The following ZNF554 variants were observed in gnomAD, a reference collection of about 807,000 sequenced individuals.
ZNF554 encodes zinc finger protein 554.
In ZNF554, 15 loss-of-function variants were observed where a neutral mutation model predicts 21.2. That is an observed-to-expected ratio of 0.71 (90% CI 0.47 to 1.09). The LOEUF (loss-of-function observed/expected upper bound fraction) is 1.09. Among genes scored for constraint, ZNF554 ranks in the 50% least tolerant of loss-of-function variants. The probability of loss-of-function intolerance (pLI) is 0.00; values close to 1 mark genes in which losing one functional copy is unlikely to be tolerated. For missense variants in ZNF554, 691 were observed against 662.7 expected, an observed-to-expected ratio of 1.04 and a Z score of -0.47; for synonymous variants, 258 against 251.4, an observed-to-expected ratio of 1.03 and a Z score of -0.25.
At chr19:2,827,567 A>G in intron 2 of ZNF554, 50 bp from the exon 3 acceptor site, 1 of 1,579,312 alleles carries the variant, frequency 6.3e-7, no homozygotes, top group Non-Finnish European at 8.6e-7. Context: ...CCTCCCATGA[A>G]CGTGGGTGGC....
rs976125746 is a variant in ZNF554, at chr19:2,819,872, C to T, written c.-200C>T. On this transcript the variant is annotated 5_prime_UTR_variant, in exon 1 of 5. Coordinates refer to ENST00000317243, the MANE Select transcript of ZNF554 (RefSeq NM_001102651.2). ...AGGTTCGGGGTGCGCAGGCGCAGTG[C>T]CGAGTTTACCTCTGCGCGCGTCGGG... 2.0e-4 allele frequency: 65 copies of T among 321,544 alleles called. No homozygotes were observed. The highest frequency in any genetic ancestry group is 3.1e-4 in the Non-Finnish European group (55 of 179,952). The allele number at this position is 321,544 out of a possible 1,614,324, so 19.9% of individuals were successfully genotyped here. A position where few individuals can be genotyped will look rare whatever the true frequency, so the allele number is the denominator to read the frequency against.
At position 2,821,162 on chromosome 19, in the gene ZNF554, T is replaced by C. The variant is rs1359773406; in HGVS notation, c.53+1038T>C. 6.6e-6 allele frequency among the ~76,000 whole-genome samples: 1 copy of C among 150,798 alleles called. No individual in the cohort carries two copies. The highest frequency in any genetic ancestry group is 1.5e-5 in the Non-Finnish European group (1 of 67,854). ...TGGAGTGCAGTTGCACGATCTCGGC[T>C]CACTGCATCCACCTCGTGGGTTCAA... is the stretch of plus-strand genomic sequence containing the variant. On this transcript the variant is annotated intron_variant, in intron 1 of 4. Coordinates refer to ENST00000317243, the MANE Select transcript of ZNF554 (RefSeq NM_001102651.2). The surrounding 1 kb of genome is among the most constrained non-coding windows in gnomAD (Gnocchi z 8.2).
rs184287792 is a variant in ZNF554, at chr19:2,836,281, C to T, written c.*1429C>T. Among the ~76,000 whole-genome samples, 1,164 of 147,750 alleles carry T rather than the reference C, an allele frequency of 7.9e-3. 14 individuals are homozygous for T. Among genetic ancestry groups the T allele is most frequent in the African/African-American group, 0.027 (1,090 of 40,002 alleles). Reference sequence around the variant, plus strand: ...AGCCACTGTGCTGGGATTACGGGCGCGAGCCACTGTGCTGGGATTACAGGT... The same window carrying T: ...AGCCACTGTGCTGGGATTACGGGCGTGAGCCACTGTGCTGGGATTACAGGT... On this transcript the variant is annotated 3_prime_UTR_variant, in exon 5 of 5. Coordinates refer to ENST00000317243, the MANE Select transcript of ZNF554 (RefSeq NM_001102651.2).
chr19:2,825,000 G>GTTTTTTTTTTTTTTTTTTTTTTTTT, intron 2 of ZNF554, among the ~76,000 whole-genome samples: 1 of 114,914 alleles, frequency 8.7e-6, no homozygotes, highest in Non-Finnish European at 1.8e-5. Context: ...CGTGATTGCA[G>GTTTTTTTTTTTTTTTTTTTTTTTTT]TTGTTTTTTT....
chr19:2,836,564 G>C lies in ZNF554; in HGVS notation c.*1712G>C, dbSNP rs141052938. On this transcript the variant is annotated 3_prime_UTR_variant, in exon 5 of 5. Transcript: ENST00000317243. Reference sequence around the variant, plus strand: ...TTGATCCATTCACAAAAGGACAAAGGCTGGACAGAGACGTGAAGAAATGAA... The same window carrying C: ...TTGATCCATTCACAAAAGGACAAAGCCTGGACAGAGACGTGAAGAAATGAA... Among the ~76,000 whole-genome samples the C allele has an allele frequency of 5.6e-4, 85 of 152,350 alleles. No homozygotes were observed. Among genetic ancestry groups the C allele is most frequent in the Admixed American group, 1.4e-3 (22 of 15,308 alleles).
chr19:2,820,296 C>T (rs1219361848), intron 1 of ZNF554, among the ~76,000 whole-genome samples, 172 bp downstream of exon 1: 2 of 152,212 alleles, frequency 1.3e-5, no homozygotes, highest in Admixed American at 6.5e-5. Flanking sequence ...CAGGATGGCA[C>T]GGTCTGCCCT....
chr19:2,822,920 T>C (rs1215148737), intron 1 of ZNF554, 120 bp from the exon 2 acceptor site: 1 of 931,014 alleles, frequency 1.1e-6, no homozygotes, highest in Non-Finnish European at 1.6e-6. Flanking sequence ...TGGCTTCAGT[T>C]TACCTCCCTC....
intron 1 of ZNF554, 98 bp from the exon 2 acceptor site, chr19:2,822,942 G>C: frequency 7.8e-7 from 1 of 1,282,482 alleles, no homozygotes; most frequent in South Asian, 1.3e-5. Context: ...GTGTATGGGG[G>C]GCCCCTTCAA....
chr19:2,834,576 C>G lies in ZNF554; in HGVS notation c.1341C>G (p.Asp447Glu). ...GTGAATGTGGAAAGGCCTTCAGTGA[C>G]CGTTCCTCTCTCAACCAGCACGAGC... ...ECSECGKAFS[D>E]RSSLNQHERT... The change falls in exon 5 of 5, where the codon GAC (aspartate) becomes GAG (glutamate). Residue 447 changes from aspartate (D) to glutamate (E), a missense_variant. Coordinates refer to ENST00000317243, the MANE Select transcript of ZNF554 (RefSeq NM_001102651.2). 1 of 1,614,064 alleles carries G rather than the reference C, an allele frequency of 6.2e-7. No homozygotes were observed. The highest frequency in any genetic ancestry group is 8.5e-7 in the Non-Finnish European group (1 of 1,180,014).
At chr19:2,828,758 T>A (rs2087371787) in intron 3 of ZNF554, among the ~76,000 whole-genome samples, 1 of 150,856 alleles carries the variant, frequency 6.6e-6, no homozygotes, top group African/African-American at 2.4e-5. Flanking sequence ...ACACTTACAA[T>A]CACGGCAGAA....
In ZNF554 at chr19:2,834,086, A is replaced by G; in HGVS notation, c.851A>G (p.Gln284Arg). 5.0e-6 allele frequency: 8 copies of G among 1,614,140 alleles called. No homozygotes were observed. The highest frequency in any genetic ancestry group is 1.3e-5 in the African/African-American group (1 of 75,058). The change falls in exon 5 of 5, where the codon CAG becomes CGG. Residue 284 changes from glutamine (Q) to arginine (R), a missense_variant. Physicochemically the swap from Gln to Arg is conservative, Grantham distance 43. Coordinates refer to ENST00000317243, the MANE Select transcript of ZNF554 (RefSeq NM_001102651.2). ...AATGAATGTGGAAATGCCATCCGCC[A>G]GAACAGTCACTTTATTCAACACGGG... ...ESNECGNAIR[Q>R]NSHFIQHGGK...
rs2087473945 is a variant in ZNF554 at position 2,834,613 on chromosome 19, G to A, written c.1378G>A (p.Gly460Ser). Residue 460 changes from glycine (G) to serine (S), a missense_variant, in exon 5 of 5, where the codon GGC becomes AGC. Transcript: ENST00000317243. ...SLNQHERTHTGENPYECKQCG... is the reference protein window; with the variant it reads ...SLNQHERTHTSENPYECKQCG... The stretch of plus-strand genomic sequence containing the variant: ...CAACCAGCACGAGCGAACTCACACG[G>A]GCGAGAACCCCTATGAATGTAAGCA... 1 of 1,614,076 alleles carries A rather than the reference G, an allele frequency of 6.2e-7. No homozygotes were observed. Among genetic ancestry groups the A allele is most frequent in the South Asian group, 1.1e-5 (1 of 91,078 alleles).
rs2087453382 is a variant in ZNF554 at position 2,833,822 on chromosome 19, C to T, written c.587C>T (p.Pro196Leu). ...CAGTTAGAGGACAGCCATGAAGACC[C>T]CCAGGGGCTTTTGAGCCAAAAGGCA... ...WKQLEDSHED[P>L]QGLLSQKASL... The change falls in exon 5 of 5, where the codon CCC becomes CTC. Residue 196 changes from proline (P) to leucine (L), a missense_variant. Transcript: ENST00000317243. 4 of 1,612,722 alleles carry T rather than the reference C, an allele frequency of 2.5e-6. No individual in the cohort carries two copies. Among genetic ancestry groups the T allele is most frequent in the Non-Finnish European group, 3.4e-6 (4 of 1,179,354 alleles).
Position 2,827,275 on chromosome 19 carries a change from A to C in ZNF554, c.127-342A>C, listed in dbSNP as rs747210166. ...AACTTGCAAGTGGCATATCCATGAC[A>C]TCCATTCATTTTCAGAATCAGCAGG... On this transcript the variant is annotated intron_variant, in intron 2 of 4. Coordinates refer to ENST00000317243, the MANE Select transcript of ZNF554 (RefSeq NM_001102651.2). 2.0e-5 allele frequency among the ~76,000 whole-genome samples: 3 copies of C among 152,232 alleles called. No homozygotes were observed. The South Asian group carries it at 6.2e-4, about 31-fold the overall frequency.
At chr19:2,827,858 A>G in intron 3 of ZNF554, 115 bp downstream of exon 3, 1 of 1,359,856 alleles carries the variant, frequency 7.4e-7, no homozygotes, top group Non-Finnish European at 1.0e-6. Context: ...TGTAAAGGAA[A>G]GGGGGTTTAA....
intron 1 of ZNF554, among the ~76,000 whole-genome samples, chr19:2,820,482 G>A (rs1460054628): frequency 2.0e-5 from 3 of 152,156 alleles, no homozygotes; most frequent in Non-Finnish European, 4.4e-5. Flanking sequence ...CCCTCCAGGG[G>A]ACACCGGGCG....
In ZNF554 at chr19:2,824,333, T is replaced by A. The variant is rs563557605; in HGVS notation, c.126+1221T>A. Among the ~76,000 whole-genome samples, 108 of 152,288 alleles carry A rather than the reference T, an allele frequency of 7.1e-4. 1 individual carries two copies. The highest frequency in any genetic ancestry group is 2.4e-3 in the African/African-American group (101 of 41,566). ...GAGGGCAGATCCTGCCTCTTCTCAGTTCCCCCAAGAGCACAGGGAGGCTCG... is the reference window on the plus strand; with the variant it reads ...GAGGGCAGATCCTGCCTCTTCTCAGATCCCCCAAGAGCACAGGGAGGCTCG... On this transcript the variant is annotated intron_variant, in intron 2 of 4. Coordinates refer to ENST00000317243, the MANE Select transcript of ZNF554 (RefSeq NM_001102651.2).
At position 2,836,427 on chromosome 19, in the gene ZNF554, A is replaced by G. The variant is rs1289234408; in HGVS notation, c.*1575A>G. ...AGTGTTTCACATTGGCCACTTAGCT[A>G]GATCCGTTTGTCTTCTGCAGTACTG... is the stretch of plus-strand genomic sequence containing the variant. On this transcript the variant is annotated 3_prime_UTR_variant, in exon 5 of 5. Coordinates refer to ENST00000317243, the MANE Select transcript of ZNF554 (RefSeq NM_001102651.2). Among the ~76,000 whole-genome samples the G allele has an allele frequency of 6.6e-6, 1 of 152,200 alleles. No homozygotes were observed. Among genetic ancestry groups the G allele is most frequent in the African/African-American group, 2.4e-5 (1 of 41,452 alleles).
intron 3 of ZNF554, among the ~76,000 whole-genome samples, chr19:2,830,157 A>C (rs1170639002): frequency 6.6e-6 from 1 of 152,100 alleles, no homozygotes; most frequent in East Asian, 1.9e-4. Flanking sequence ...GGATGGTCTC[A>C]ATCTCCTGAC....
Sources: gnomAD v4.1 joint callset for allele counts (sites outside exome capture counted in the v4.1 genomes callset) on GRCh38, gnomAD v4.1.1 for gene constraint, Gnocchi (gnomAD v3.1) non-coding constraint, MANE v1.5 for transcripts, NCBI Gene and HGNC (gene_info 2026-07-23, HGNC 2026-07-21) for gene names.